GTF2IRD1: variants seen among roughly 807,000 people sequenced by gnomAD.
The protein encoded by GTF2IRD1 is GTF2I repeat domain containing 1.
In GTF2IRD1, 26 loss-of-function variants were observed where a neutral mutation model predicts 113.2. The ratio of observed to expected loss-of-function variants is 0.23; its 90% confidence interval spans 0.17 to 0.32. The LOEUF (loss-of-function observed/expected upper bound fraction) is 0.32. GTF2IRD1 is among the 10% of genes least tolerant of loss of function. The probability of loss-of-function intolerance (pLI) is 1.00; values close to 1 mark genes in which losing one functional copy is unlikely to be tolerated. For synonymous variants in GTF2IRD1, 484 were observed against 529.1 expected (o/e 0.91, Z 1.17); for missense variants, 864 against 1,280.8 (o/e 0.67, Z 4.97).
intron 8 of GTF2IRD1, 87 bp downstream of exon 8, chr7:74,524,241 G>A (rs375976905): frequency 7.9e-5 from 69 of 872,548 alleles, no homozygotes; most frequent in Admixed American, 1.7e-4. Context: ...TCCCCAACAC[G>A]GCAGCGGGAG....
intron 1 of GTF2IRD1, among the ~76,000 whole-genome samples, chr7:74,491,308 A>ATT (rs1375437240): frequency 5.4e-5 from 7 of 130,808 alleles, no homozygotes; most frequent in African/African-American, 2.2e-4. Flanking sequence ...AGAAAAAAAA[A>ATT]TTCTTTTTTT....
chr7:74,484,442 C>T (rs929948457), intron 1 of GTF2IRD1, among the ~76,000 whole-genome samples: 4 of 150,592 alleles, frequency 2.7e-5, no homozygotes, highest in African/African-American at 4.9e-5. Context: ...CCACCACACC[C>T]GGCCATCCTT....
Position 74,547,358 on chromosome 7 carries a change from A to T in GTF2IRD1, c.1916+72A>T, listed in dbSNP as rs368837239. 1.3e-5 allele frequency: 16 copies of T among 1,234,234 alleles called. No homozygotes were observed. In the African/African-American group the frequency reaches 1.8e-4, roughly 14 times the overall value. The allele number at this position is 1,234,234 out of a possible 1,614,324, so 76.5% of individuals were successfully genotyped here. ...CACCAAGGGGCAGGAGCAGCACCAA[A>T]TTGCCATCAAGCAATTCTTGTGCCT... On this transcript the variant is annotated intron_variant, in intron 17 of 26. Coordinates refer to ENST00000424337, the MANE Select transcript of GTF2IRD1 (RefSeq NM_005685.4).
intron 22 of GTF2IRD1, among the ~76,000 whole-genome samples, chr7:74,582,331 T>C (rs1428869924): frequency 6.6e-6 from 1 of 152,170 alleles, no homozygotes; most frequent in Non-Finnish European, 1.5e-5. Flanking sequence ...AGACAGTGAG[T>C]CACTTATGTG....
intron 22 of GTF2IRD1, among the ~76,000 whole-genome samples, chr7:74,561,211 T>C (rs1799938438): frequency 6.6e-6 from 1 of 151,402 alleles, no homozygotes; most frequent in Admixed American, 6.6e-5. Flanking sequence ...TAGCCAGGTG[T>C]GGTGGCGCAC....
intron 17 of GTF2IRD1, among the ~76,000 whole-genome samples, chr7:74,553,730 G>T (rs1250840516): frequency 6.6e-6 from 1 of 152,174 alleles, no homozygotes; most frequent in Non-Finnish European, 1.5e-5. Context: ...TTGGCAGCCG[G>T]CTGTGCTATT....
rs1165378230 is a variant in GTF2IRD1 at position 74,576,617 on chromosome 7, C to CTTT, written c.2321-13204_2321-13202dup. Among the ~76,000 whole-genome samples, 377 of 49,356 alleles carry CTTT rather than the reference C, an allele frequency of 7.6e-3. 56 individuals are homozygous for CTTT. Among genetic ancestry groups the CTTT allele is most frequent in the African/African-American group, 0.015 (173 of 11,732 alleles). The allele number at this position is 49,356 out of a possible 152,430, so 32.4% of individuals were successfully genotyped here. A position where few individuals can be genotyped will look rare whatever the true frequency, so the allele number is the denominator to read the frequency against. ...TCTAGGGGAAAATCTATTTCCTTGT[C>CTTT]TTTTTTTTTTTTTTTTTTTTTTTTT... On this transcript the variant is annotated intron_variant, in intron 22 of 26. Coordinates refer to ENST00000424337, the MANE Select transcript of GTF2IRD1 (RefSeq NM_005685.4).
At position 74,491,724 on chromosome 7, in the gene GTF2IRD1, A is replaced by G. The variant is rs189765797; in HGVS notation, c.-6-16351A>G. Among the ~76,000 whole-genome samples the G allele has an allele frequency of 2.0e-3, 303 of 152,186 alleles. 1 individual carries two copies. The highest frequency in any genetic ancestry group is 2.1e-3 in the Non-Finnish European group (144 of 68,010). ...CTACCACATTTTCTTTACCCAGTCT[A>G]TCATTGATGGGCATTTAGGTTGATT... On this transcript the variant is annotated intron_variant, in intron 1 of 26. Transcript: ENST00000424337.
intron 22 of GTF2IRD1, among the ~76,000 whole-genome samples, chr7:74,588,860 C>T (rs2130993241): frequency 6.6e-6 from 1 of 152,284 alleles, no homozygotes; most frequent in African/African-American, 2.4e-5. Context: ...ATCCTTCTCT[C>T]TTGGGGGAGG....
chr7:74,566,491 C>T (rs1479582041), intron 22 of GTF2IRD1, among the ~76,000 whole-genome samples: 4 of 152,302 alleles, frequency 2.6e-5, no homozygotes, highest in East Asian at 1.9e-4. Context: ...TACAGGTGCC[C>T]GCCACCATGC....
chr7:74,541,794 A>G (rs1353144346), intron 14 of GTF2IRD1, among the ~76,000 whole-genome samples: 4 of 151,888 alleles, frequency 2.6e-5, no homozygotes, highest in African/African-American at 9.7e-5. Context: ...CCAGCTACTC[A>G]GGAGGCTGAA....
At position 74,515,557 on chromosome 7, in the gene GTF2IRD1, C is replaced by T. The variant is rs976402407; in HGVS notation, c.382C>T (p.Leu128=). 4 of 1,613,780 alleles carry T rather than the reference C, an allele frequency of 2.5e-6. No homozygotes were observed. The highest frequency in any genetic ancestry group is 3.4e-6 in the Non-Finnish European group (4 of 1,179,740). ...GGAACATGGCTCAGATGTGTACCTT[C>T]TGCGGAAGATGGTAGAGGAGGTGTT... The part of the protein sequence containing the change: ...SLEHGSDVYL[L]RKMVEEVFDV... Residue 128 remains leucine (L), a synonymous_variant, in exon 4 of 27, where the codon CTG becomes TTG. Transcript: ENST00000424337.
At chr7:74,495,762 G>A (rs1408950639) in intron 1 of GTF2IRD1, among the ~76,000 whole-genome samples, 1 of 152,204 alleles carries the variant, frequency 6.6e-6, no homozygotes, top group African/African-American at 2.4e-5. Context: ...GGGCACAGCA[G>A]GTGCAAAGGC....
intron 25 of GTF2IRD1, among the ~76,000 whole-genome samples, chr7:74,596,499 C>T (rs868977338): frequency 2.8e-4 from 43 of 151,464 alleles, no homozygotes; most frequent in South Asian, 1.0e-3. Flanking sequence ...AAAAATTAGC[C>T]TGGCATGGTG....
chr7:74,524,147 C>G lies in GTF2IRD1; in HGVS notation c.1083C>G (p.Ser361Arg), dbSNP rs782645926. The G allele has an allele frequency of 6.2e-7, 1 of 1,610,586 alleles. No homozygotes were observed. Among genetic ancestry groups the G allele is most frequent in the Non-Finnish European group, 8.5e-7 (1 of 1,177,764 alleles). The change falls in exon 8 of 27, where the codon AGC becomes AGG. Residue 361 changes from serine (S) to arginine (R), a missense_variant. This residue lies in a region of GTF2IRD1 where 218 missense variants were observed against 352.6 expected (regional missense o/e 0.62). Coordinates refer to ENST00000424337, the MANE Select transcript of GTF2IRD1 (RefSeq NM_005685.4). ...AGTGTGTGCAGATCCTGTTTAACAGCAGATATGGTGAGTGGGCGGCGCGGC... is the reference window on the plus strand; with the variant it reads ...AGTGTGTGCAGATCCTGTTTAACAGGAGATATGGTGAGTGGGCGGCGCGGC... ...LRECVQILFN[S>R]RYAEALGLDH...
intron 1 of GTF2IRD1, among the ~76,000 whole-genome samples, chr7:74,482,920 T>TGC (rs1794823300): frequency 1.3e-5 from 2 of 152,232 alleles, no homozygotes; most frequent in Non-Finnish European, 1.5e-5. Flanking sequence ...GATCAGGTCT[T>TGC]GCGCTGAAAT....
At chr7:74,594,007 G>A (rs1802243362) in intron 24 of GTF2IRD1, among the ~76,000 whole-genome samples, 1 of 151,908 alleles carries the variant, frequency 6.6e-6, no homozygotes, top group South Asian at 2.1e-4. Flanking sequence ...AGACCAGCCT[G>A]GCCAACATAG....
chr7:74,517,110 C>T (rs1411106041), intron 4 of GTF2IRD1, among the ~76,000 whole-genome samples: 2 of 151,712 alleles, frequency 1.3e-5, no homozygotes, highest in African/African-American at 2.4e-5. Context: ...TACAACCTCC[C>T]CCTCCTGGGT....
At chr7:74,549,264 C>T (rs1334914124) in intron 17 of GTF2IRD1, among the ~76,000 whole-genome samples, 4 of 147,838 alleles carry the variant, frequency 2.7e-5, no homozygotes, top group Non-Finnish European at 5.9e-5. Flanking sequence ...GATCGTACCA[C>T]GACACTCCAG....
Sources: gnomAD v4.1 joint callset for allele counts (sites outside exome capture counted in the v4.1 genomes callset) on GRCh38, gnomAD v4.1.1 for gene constraint, gnomAD v4.1.1 regional missense constraint, MANE v1.5 for transcripts, NCBI Gene and HGNC (gene_info 2026-07-23, HGNC 2026-07-21) for gene names.